MROH1: variants seen among roughly 807,000 people sequenced by gnomAD.
MROH1 encodes maestro heat like repeat family member 1.
A neutral mutation model predicts 116.5 loss-of-function variants in MROH1; 117 were observed. The ratio of observed to expected loss-of-function variants is 1.00; its 90% CI spans 0.86 to 1.17. The LOEUF (loss-of-function observed/expected upper bound fraction) is 1.17. MROH1 is among the 50% of genes most tolerant of loss of function. The pLI is 0.00. For synonymous variants in MROH1, 921 were observed against 583.9 expected, an observed-to-expected ratio of 1.58 and a Z score of -8.32; for missense variants, 1,873 against 1,338.5, an observed-to-expected ratio of 1.40 and a Z score of -6.23.
chr8:144,231,170 T>C (rs1810927642), intron 14 of MROH1, among the ~76,000 whole-genome samples: 1 of 150,542 alleles, frequency 6.6e-6, no homozygotes, highest in Admixed American at 6.6e-5. Context: ...GAAGTTTTCT[T>C]AGTACAGAAC....
rs191002956 is a variant in MROH1, at chr8:144,200,568, G to A, written c.1141+27G>A. 3,298 of 1,465,510 alleles carry A rather than the reference G, an allele frequency of 2.3e-3. 3 individuals carry two copies. Among genetic ancestry groups the A allele is most frequent in the Middle Eastern group, 3.3e-3 (19 of 5,710 alleles). The allele number at this position is 1,465,510 out of a possible 1,614,324, so 90.8% of individuals were successfully genotyped here. On this transcript the variant is annotated intron_variant, in intron 12 of 43. Coordinates refer to ENST00000326134, the MANE Select transcript of MROH1 (RefSeq NM_032450.3). Reference sequence around the variant, plus strand: ...TGAGTGCCTCCATGCTAGCCTGGCCGCCACCCCTGGCCATGTCCAGGATGG... The same window carrying A: ...TGAGTGCCTCCATGCTAGCCTGGCCACCACCCCTGGCCATGTCCAGGATGG...
intron 1 of MROH1, among the ~76,000 whole-genome samples, chr8:144,158,869 G>T (rs1317975918): frequency 5.3e-5 from 8 of 152,184 alleles, no homozygotes; most frequent in African/African-American, 1.9e-4. Context: ...CTCCCGAGTA[G>T]CTGGGACTAC....
At chr8:144,198,343 G>T (rs1184022025) in intron 10 of MROH1, among the ~76,000 whole-genome samples, 1 of 152,178 alleles carries the variant, frequency 6.6e-6, no homozygotes, top group Non-Finnish European at 1.5e-5. Flanking sequence ...AATTAGTGGG[G>T]GTGTGCTTCT....
Position 144,243,562 on chromosome 8 carries a change from C to G in MROH1, c.2421C>G (p.Thr807=), listed in dbSNP as rs1841380585. The change falls in exon 25 of 44, where the codon ACC becomes ACG. Residue 807 remains threonine, a synonymous_variant. Transcript: ENST00000326134. The part of the protein sequence containing the change: ...CMVSRAICSS[T]QAGSFHFTRK... ...TCAGCCGCGCCATCTGCAGCAGCAC[C>G]CAGGCTGGCTCCTTCCACTTCACCC... 1.3e-6 allele frequency: 1 copy of G among 780,098 alleles called. No individual in the cohort carries two copies. Among genetic ancestry groups the G allele is most frequent in the Non-Finnish European group, 2.4e-6 (1 of 417,828 alleles). 48.3% of individuals were successfully genotyped at this position (780,098 alleles called of 1,614,324 possible).
At chr8:144,232,518 G>C (rs1406817273) in intron 14 of MROH1, among the ~76,000 whole-genome samples, 2 of 150,570 alleles carry the variant, frequency 1.3e-5, no homozygotes, top group African/African-American at 2.5e-5. Flanking sequence ...TTTTGAGACA[G>C]AGTCTTGCTC....
At chr8:144,200,712 G>C (rs1226004664) in intron 12 of MROH1, 171 bp downstream of exon 12, 1 of 609,498 alleles carries the variant, frequency 1.6e-6, no homozygotes, top group East Asian at 2.8e-5. Flanking sequence ...AAGTTGCAAG[G>C]GTGGTACCTT....
chr8:144,244,851 G>C (rs1841622599), intron 28 of MROH1, among the ~76,000 whole-genome samples: 1 of 152,178 alleles, frequency 6.6e-6, no homozygotes, highest in Non-Finnish European at 1.5e-5. Context: ...GGGTGGGGCC[G>C]ACCCCCATGC....
At chr8:144,189,657 G>A (rs1057150490) in intron 7 of MROH1, among the ~76,000 whole-genome samples, 3 of 152,216 alleles carry the variant, frequency 2.0e-5, no homozygotes, top group Non-Finnish European at 2.9e-5. Context: ...GTCAGGAGCC[G>A]CCCACCCGTG....
intron 3 of MROH1, among the ~76,000 whole-genome samples, chr8:144,165,106 G>A (rs975726158): frequency 6.7e-6 from 1 of 149,766 alleles, no homozygotes; most frequent in African/African-American, 2.4e-5. Flanking sequence ...TTACAGGCAT[G>A]TGCCATCACA....
At chr8:144,194,786 T>G (rs1234471086) in intron 10 of MROH1, among the ~76,000 whole-genome samples, 2 of 152,002 alleles carry the variant, frequency 1.3e-5, no homozygotes, top group Non-Finnish European at 2.9e-5. Context: ...CACAGATCTG[T>G]AATCCCAGCT....
rs35465208 is a variant in MROH1, at chr8:144,254,985, C to G, written c.3594+7C>G. 5.3e-6 allele frequency: 4 copies of G among 749,734 alleles called. No individual in the cohort carries two copies. The highest frequency in any genetic ancestry group is 1.4e-5 in the South Asian group (1 of 70,786). 46.4% of individuals were successfully genotyped at this position (749,734 alleles called of 1,614,324 possible). A position where few individuals can be genotyped will look rare whatever the true frequency, so the allele number is the denominator to read the frequency against. On this transcript the variant is annotated splice_region_variant and intron_variant, in intron 34 of 43. Transcript: ENST00000326134. The stretch of plus-strand genomic sequence containing the variant: ...CACGCTGCTGCCTCTCTCGGTGAGT[C>G]GGGCTCTCGGGGCCACCTTGACACG...
At chr8:144,209,578 CAA>C (rs11377533) in intron 12 of MROH1, among the ~76,000 whole-genome samples, 6 of 131,310 alleles carry the variant, frequency 4.6e-5, no homozygotes, top group Admixed American at 7.9e-5. Flanking sequence ...GACTCCGTCT[CAA>C]AAAAAAAAAA....
rs2132999867 is a variant in MROH1, at chr8:144,244,355, T to C, written c.2670+19T>C. The C allele has an allele frequency of 1.4e-6, 1 of 721,194 alleles. No individual in the cohort carries two copies. The highest frequency in any genetic ancestry group is 2.7e-5 in the East Asian group (1 of 37,480). 44.7% of individuals were successfully genotyped at this position (721,194 alleles called of 1,614,324 possible). On this transcript the variant is annotated intron_variant, in intron 27 of 43. Transcript: ENST00000326134. The stretch of plus-strand genomic sequence containing the variant: ...CCAGAAGGTATCCCTGTGTTTCCCT[T>C]GCCTGTGTCCACATCCGTGAGAGTG...
intron 33 of MROH1, chr8:144,250,727 C>T (rs988608847): frequency 2.9e-4 from 116 of 396,988 alleles, no homozygotes; most frequent in African/African-American, 1.5e-3. Context: ...GTCTTGGTTC[C>T]GGCTACTCCA....
At chr8:144,150,765 G>A (rs1276560142) in intron 1 of MROH1, among the ~76,000 whole-genome samples, 1 of 152,176 alleles carries the variant, frequency 6.6e-6, no homozygotes, top group Non-Finnish European at 1.5e-5. Flanking sequence ...CAGGAGGGCT[G>A]GGAAGAGAAG....
At chr8:144,184,864 A>G (rs1826554362) in intron 7 of MROH1, among the ~76,000 whole-genome samples, 2 of 152,190 alleles carry the variant, frequency 1.3e-5, no homozygotes, top group South Asian at 4.1e-4. Context: ...AGCCAGTGCC[A>G]GACCTGTTCC....
chr8:144,198,582 C>T (rs899249925), intron 10 of MROH1, among the ~76,000 whole-genome samples: 2 of 152,142 alleles, frequency 1.3e-5, no homozygotes, highest in African/African-American at 4.8e-5. Flanking sequence ...CATGCCCAGC[C>T]AACAGCCTTA....
rs1187197693 is a variant in MROH1 at position 144,182,356 on chromosome 8, T to A, written c.562+1833T>A. 1.3e-5 allele frequency among the ~76,000 whole-genome samples: 2 copies of A among 152,026 alleles called. No homozygotes were observed. Among genetic ancestry groups the A allele is most frequent in the Non-Finnish European group, 2.9e-5 (2 of 68,006 alleles). The stretch of plus-strand genomic sequence containing the variant: ...AGCAGGGCAGGCATCCAGTAATTCC[T>A]CCCGGCCAAGGAACCCCTCCAGTAG... On this transcript the variant is annotated intron_variant, in intron 7 of 43. Coordinates refer to ENST00000326134, the MANE Select transcript of MROH1 (RefSeq NM_032450.3). This position sits in a 1 kb window ranked among gnomAD's most constrained non-coding sequence, Gnocchi z 4.1.
At chr8:144,245,101 C>T in intron 28 of MROH1, 55 bp from the exon 29 acceptor site, 1 of 777,954 alleles carries the variant, frequency 1.3e-6, no homozygotes, top group Non-Finnish European at 2.4e-6. Context: ...GCACAAGGCT[C>T]CTGCCCCCAG....
Sources: allele counts gnomAD v4.1 joint callset (sites outside exome capture counted in the v4.1 genomes callset), GRCh38; gene constraint gnomAD v4.1.1; non-coding constraint Gnocchi (gnomAD v3.1); transcripts MANE v1.5; gene names NCBI Gene and HGNC (gene_info 2026-07-23, HGNC 2026-07-21).